METTL16: variants seen among roughly 807,000 people sequenced by gnomAD.
The protein encoded by METTL16 is RNA N(6)-adenosine-methyltransferase METTL16.
METTL16 carries 19 observed loss-of-function variants against 57.9 expected under a neutral mutation model. The observed-to-expected ratio is 0.33, with a 90% CI of 0.23 to 0.48. METTL16 has a LOEUF of 0.48. METTL16 is among the 20% of genes least tolerant of loss of function. The probability of loss-of-function intolerance (pLI) is 0.99; values close to 1 mark genes in which losing one functional copy is unlikely to be tolerated. For synonymous variants in METTL16, 246 were observed against 255.6 expected, an observed-to-expected ratio of 0.96 and a Z score of 0.36; for missense variants, 434 against 691.5, an observed-to-expected ratio of 0.63 and a Z score of 4.18.
intron 2 of METTL16, among the ~76,000 whole-genome samples, chr17:2,500,140 G>A (rs1567907207): frequency 1.3e-5 from 2 of 152,178 alleles, no homozygotes; most frequent in Admixed American, 6.5e-5. Flanking sequence ...ACTCCTGTAT[G>A]ATTTTAAGGG....
intron 6 of METTL16, among the ~76,000 whole-genome samples, chr17:2,450,985 C>CT: frequency 6.6e-6 from 1 of 152,274 alleles, no homozygotes; most frequent in South Asian, 2.1e-4. Flanking sequence ...ACATCAAAAA[C>CT]TGTTTTATAG....
chr17:2,483,453 T>C (rs1163243751), intron 2 of METTL16, among the ~76,000 whole-genome samples: 2 of 152,204 alleles, frequency 1.3e-5, no homozygotes, highest in Non-Finnish European at 2.9e-5. Context: ...CATAAATATA[T>C]GCTAGCAATT....
At chr17:2,438,031 C>T in intron 8 of METTL16, 78 bp downstream of exon 8, 3 of 1,034,096 alleles carry the variant, frequency 2.9e-6, no homozygotes, top group Non-Finnish European at 3.1e-6. Flanking sequence ...CAGGACACTA[C>T]CAATTCAGTT....
chr17:2,448,903 T>C (rs1331606887), intron 6 of METTL16, among the ~76,000 whole-genome samples: 1 of 148,602 alleles, frequency 6.7e-6, no homozygotes. Context: ...GGTGCGCGCC[T>C]GTAGTCCCAG....
chr17:2,421,760 C>A (rs1207428789), intron 8 of METTL16, among the ~76,000 whole-genome samples: 2 of 152,118 alleles, frequency 1.3e-5, no homozygotes, highest in African/African-American at 4.8e-5. Flanking sequence ...CATGAGATGA[C>A]ATGCGAGGAA....
At chr17:2,507,007 C>A (rs1236898775) in intron 1 of METTL16, among the ~76,000 whole-genome samples, 1 of 113,830 alleles carries the variant, frequency 8.8e-6, no homozygotes, top group Non-Finnish European at 1.9e-5. Context: ...CCCCTCCGCC[C>A]GGCAGCCACC....
downstream of METTL16, chr17:2,415,771 C>G (rs565175784): frequency 2.6e-5 from 4 of 152,874 alleles, no homozygotes; most frequent in South Asian, 8.1e-4. Context: ...CGTGAGCCAC[C>G]GCACCCGGCC....
At chr17:2,423,956 T>C (rs959806262) in intron 8 of METTL16, among the ~76,000 whole-genome samples, 2 of 152,112 alleles carry the variant, frequency 1.3e-5, no homozygotes, top group African/African-American at 4.8e-5. Context: ...ATTACCCAGT[T>C]ATCTCAGGAC....
intron 6 of METTL16, among the ~76,000 whole-genome samples, chr17:2,453,790 A>C (rs143661026): frequency 3.4e-3 from 517 of 152,316 alleles, no homozygotes; most frequent in Non-Finnish European, 3.6e-3. Flanking sequence ...TGAAACTGAC[A>C]TTTTTATACA....
intron 6 of METTL16, among the ~76,000 whole-genome samples, chr17:2,449,840 A>C (rs952241695): frequency 3.6e-4 from 55 of 152,240 alleles, no homozygotes; most frequent in African/African-American, 1.2e-3. Context: ...AGTAAGATTA[A>C]TAAACCAATA....
At chr17:2,468,986 A>C (rs1029404379) in intron 4 of METTL16, among the ~76,000 whole-genome samples, 35 of 151,388 alleles carry the variant, frequency 2.3e-4, no homozygotes, top group Admixed American at 6.6e-5. Context: ...TATAATTCCA[A>C]CACTTCGGGA....
intron 6 of METTL16, among the ~76,000 whole-genome samples, chr17:2,461,743 A>AT (rs1349868700): frequency 3.3e-5 from 5 of 151,686 alleles, no homozygotes; most frequent in African/African-American, 1.2e-4. Flanking sequence ...CACCCAGCTA[A>AT]TTTTTTGTAT....
At chr17:2,494,089 T>C (rs1192309466) in intron 2 of METTL16, among the ~76,000 whole-genome samples, 1 of 152,180 alleles carries the variant, frequency 6.6e-6, no homozygotes, top group African/African-American at 2.4e-5. Flanking sequence ...TCTGTTGCCC[T>C]GGCTGGAGTG....
At chr17:2,511,545 A>C (rs2067588995) in intron 1 of METTL16, among the ~76,000 whole-genome samples, 1 of 151,544 alleles carries the variant, frequency 6.6e-6, no homozygotes, top group South Asian at 2.1e-4. Flanking sequence ...AGTCTTTCCT[A>C]CTTCAGTCCT....
intron 2 of METTL16, among the ~76,000 whole-genome samples, chr17:2,479,418 T>C (rs1485209048): frequency 6.1e-5 from 9 of 146,546 alleles, no homozygotes; most frequent in Admixed American, 4.9e-4. Flanking sequence ...CATGTAATCC[T>C]CCCGCCTCAG....
In METTL16 at chr17:2,420,077, C is replaced by T. The variant is rs2151681875; in HGVS notation, c.1582G>A (p.Asp528Asn). The change falls in exon 10 of 10, where the codon GAT becomes AAT. Residue 528 changes from aspartate (D) to asparagine (N), a missense_variant. Around this residue, in one of 5 missense-constraint regions of METTL16, gnomAD observed 26 missense variants for 60.7 expected, o/e 0.43. Coordinates refer to ENST00000263092, the MANE Select transcript of METTL16 (RefSeq NM_024086.4). This position sits in a 1 kb window ranked among gnomAD's most constrained non-coding sequence, Gnocchi z 5.4. ...ACCCAGTGCATCTCCACTAAGGCATCGTCCACCTCCTTCTTAACGTTTATC... is the reference window on the plus strand; with the variant it reads ...ACCCAGTGCATCTCCACTAAGGCATTGTCCACCTCCTTCTTAACGTTTATC... ...CLINVKKEVD[D>N]ALVEMHWVEG... The T allele has an allele frequency of 1.9e-6, 3 of 1,614,190 alleles. No individual in the cohort carries two copies. The highest frequency in any genetic ancestry group is 2.5e-6 in the Non-Finnish European group (3 of 1,180,036).
At chr17:2,450,621 CATAAA>C (rs2067061622) in intron 6 of METTL16, among the ~76,000 whole-genome samples, 2 of 152,156 alleles carry the variant, frequency 1.3e-5, no homozygotes, top group Admixed American at 1.3e-4. Flanking sequence ...TTCAAATACA[CATAAA>C]ATAAGGTTAA....
chr17:2,481,161 T>G (rs536947567), intron 2 of METTL16, among the ~76,000 whole-genome samples: 1 of 149,638 alleles, frequency 6.7e-6, no homozygotes, highest in South Asian at 2.1e-4. Context: ...TGAGCCTAGA[T>G]GAAGCCACCG....
At chr17:2,478,632 T>C (rs2067283335) in intron 2 of METTL16, among the ~76,000 whole-genome samples, 1 of 152,210 alleles carries the variant, frequency 6.6e-6, no homozygotes, top group Non-Finnish European at 1.5e-5. Flanking sequence ...CTCATGACCA[T>C]TTGCATGTCT....
Sources: allele counts gnomAD v4.1 joint callset (sites outside exome capture counted in the v4.1 genomes callset), GRCh38; gene constraint gnomAD v4.1.1; regional missense constraint gnomAD v4.1.1; non-coding constraint Gnocchi (gnomAD v3.1); transcripts MANE v1.5; gene names NCBI Gene and HGNC (gene_info 2026-07-23, HGNC 2026-07-21).